PDE6B: variants seen among roughly 807,000 people sequenced by gnomAD.
The protein encoded by PDE6B is phosphodiesterase 6B.
A neutral mutation model predicts 109.0 loss-of-function variants in PDE6B; 106 were observed. The ratio of observed to expected loss-of-function variants is 0.97; its 90% CI spans 0.83 to 1.14. The LOEUF is 1.14. Ranked by LOEUF, PDE6B falls within the 50% of genes most tolerant of loss-of-function variation. The pLI is 0.00. For synonymous variants in PDE6B, 490 were observed against 471.3 expected, an observed-to-expected ratio of 1.04 and a Z score of -0.51; for missense variants, 1,193 against 1,155.6, an observed-to-expected ratio of 1.03 and a Z score of -0.47.
intron 3 of PDE6B, among the ~76,000 whole-genome samples, chr4:649,796 G>A (rs1735404202): frequency 6.6e-6 from 1 of 152,132 alleles, no homozygotes; most frequent in Non-Finnish European, 1.5e-5. Flanking sequence ...CAGCCAGTGG[G>A]GATCCCATCT....
rs1212584781 is a variant in PDE6B at position 662,898 on chromosome 4, G to A, written c.1833-202G>A. Among the ~76,000 whole-genome samples, 2 of 151,718 alleles carry A rather than the reference G, an allele frequency of 1.3e-5. No homozygotes were observed. Among genetic ancestry groups the A allele is most frequent in the Non-Finnish European group, 2.9e-5 (2 of 67,914 alleles). On this transcript the variant is annotated intron_variant, in intron 14 of 21. Coordinates refer to ENST00000496514, the MANE Select transcript of PDE6B (RefSeq NM_000283.4). The surrounding 1 kb of genome is among the most constrained non-coding windows in gnomAD (Gnocchi z 4.3). ...CACACCTGTGGTCCCAGCTACTTAG[G>A]AGGCTGAGGTGGGAGGATCACTTGA...
chr4:631,693 G>A (rs892956019), intron 1 of PDE6B, among the ~76,000 whole-genome samples: 3 of 151,290 alleles, frequency 2.0e-5, no homozygotes, highest in East Asian at 3.9e-4. Context: ...TGAGGGTCAC[G>A]TTGTGTGGAT....
intron 9 of PDE6B, 113 bp from the exon 10 acceptor site, chr4:657,238 C>A: frequency 2.3e-6 from 3 of 1,306,932 alleles, no homozygotes; most frequent in Non-Finnish European, 3.2e-6. Flanking sequence ...CACTGCGACA[C>A]CATGGTGGCA....
intron 3 of PDE6B, among the ~76,000 whole-genome samples, chr4:649,093 C>G (rs1386908699): frequency 6.6e-6 from 1 of 152,308 alleles, no homozygotes; most frequent in East Asian, 1.9e-4. Context: ...GTGGGGAGAT[C>G]CACGCTGGCA....
chr4:657,494 G>C lies in PDE6B; in HGVS notation c.1401G>C (p.Leu467=). The C allele has an allele frequency of 6.2e-7, 1 of 1,612,706 alleles. No individual in the cohort carries two copies. The highest frequency in any genetic ancestry group is 8.5e-7 in the Non-Finnish European group (1 of 1,179,658). ...ACAGGGACGAGATCCAGCTCATCCTGGTGCGGCGGGGCAGGACGTCCAGGG... is the reference window on the plus strand; with the variant it reads ...ACAGGGACGAGATCCAGCTCATCCTCGTGCGGCGGGGCAGGACGTCCAGGG... ...KCDRDEIQLI[L]PTRARLGKEP... Residue 467 remains leucine, a splice_region_variant and synonymous_variant, in exon 10 of 22, where the codon CTG becomes CTC. Coordinates refer to ENST00000496514, the MANE Select transcript of PDE6B (RefSeq NM_000283.4).
Position 633,605 on chromosome 4 carries a change from C to G in PDE6B, c.469-1072C>G, listed in dbSNP as rs961224256. ...GCGCATCCCAGGAGCTCCCATTCAG[C>G]TGGCGCAGTGGCTGAGGGCAGAGCC... On this transcript the variant is annotated intron_variant, in intron 1 of 21. Coordinates refer to ENST00000496514, the MANE Select transcript of PDE6B (RefSeq NM_000283.4). This position sits in a 1 kb window ranked among gnomAD's most constrained non-coding sequence, Gnocchi z 4.5. Among the ~76,000 whole-genome samples the G allele has an allele frequency of 1.3e-5, 2 of 152,208 alleles. No individual in the cohort carries two copies. Among genetic ancestry groups the G allele is most frequent in the Admixed American group, 6.5e-5 (1 of 15,286 alleles).
At position 644,641 on chromosome 4, in the gene PDE6B, C is replaced by T. The variant is rs535453298; in HGVS notation, c.711+8672C>T. Among the ~76,000 whole-genome samples the T allele has an allele frequency of 1.8e-3, 272 of 151,948 alleles. 3 individuals carry two copies. Among genetic ancestry groups the T allele is most frequent in the African/African-American group, 5.7e-3 (234 of 41,340 alleles). ...ACCTCGTGGATTCAGGTGATTCTCC[C>T]GCCTCAGCCTCCCGAGTAGCTGGGA... is the stretch of plus-strand genomic sequence containing the variant. On this transcript the variant is annotated intron_variant, in intron 3 of 21. Coordinates refer to ENST00000496514, the MANE Select transcript of PDE6B (RefSeq NM_000283.4).
chr4:660,348 C>T, intron 11 of PDE6B, 119 bp from the exon 12 acceptor site: 2 of 1,017,958 alleles, frequency 2.0e-6, no homozygotes, highest in South Asian at 2.6e-5. Flanking sequence ...AATGACACAT[C>T]TCCTCAGAGA....
rs150639487 is a variant in PDE6B at position 664,903 on chromosome 4, G to T, written c.2152G>T (p.Asp718Tyr). The change falls in exon 18 of 22, where the codon GAC becomes TAC. Residue 718 changes from aspartate (D) to tyrosine (Y), a missense_variant. Physicochemically the swap from Asp to Tyr is radical, Grantham distance 160. Coordinates refer to ENST00000496514, the MANE Select transcript of PDE6B (RefSeq NM_000283.4). ...CAGGGCCATGATGATGACAGCCTGC[G>T]ACCTGTCTGCCATCACCAAGCCCTG... ...IVMAMMMTAC[D>Y]LSAITKPWEV... The T allele has an allele frequency of 1.9e-5, 30 of 1,613,206 alleles. No homozygotes were observed. The African/African-American group carries it at 3.3e-4, about 18-fold the overall frequency.
At chr4:644,740 G>T (rs1480513761) in intron 3 of PDE6B, among the ~76,000 whole-genome samples, 1 of 151,858 alleles carries the variant, frequency 6.6e-6, no homozygotes, top group Non-Finnish European at 1.5e-5. Context: ...ATGTTGCCCA[G>T]GTTGGTCTCG....
intron 3 of PDE6B, among the ~76,000 whole-genome samples, chr4:649,405 G>C (rs1006648279): frequency 1.3e-5 from 2 of 152,022 alleles, no homozygotes; most frequent in African/African-American, 4.8e-5. Context: ...GGCCCAGGGG[G>C]AAACGTCTCC....
At chr4:659,156 T>C in intron 11 of PDE6B, 139 bp downstream of exon 11, 1 of 714,022 alleles carries the variant, frequency 1.4e-6, no homozygotes, top group Non-Finnish European at 2.5e-6. Context: ...TGTATACTTG[T>C]GTATCTAAGC....
intron 3 of PDE6B, among the ~76,000 whole-genome samples, chr4:642,725 C>CAAAAAAAAAAAAAAAAAAAAAAAAAAA (rs71636506): frequency 4.6e-5 from 2 of 43,336 alleles, no homozygotes; most frequent in African/African-American, 1.9e-4. Context: ...GACACTGTCT[C>CAAAAAAAAAAAAAAAAAAAAAAAAAAA]AAAAAAAAAA....
rs767309252 is a variant in PDE6B at position 670,169 on chromosome 4, G to T, written c.*62G>T. On this transcript the variant is annotated 3_prime_UTR_variant, in exon 22 of 22. Coordinates refer to ENST00000496514, the MANE Select transcript of PDE6B (RefSeq NM_000283.4). ...CTTCACCCACTAGGATTTGGGTTCT[G>T]CCTGTGGCTATTTGCTACAAGAGGT... 4 of 1,611,004 alleles carry T rather than the reference G, an allele frequency of 2.5e-6. No individual in the cohort carries two copies. The highest frequency in any genetic ancestry group is 3.3e-5 in the Admixed American group (2 of 59,970).
rs763371769 is a variant in PDE6B at position 660,465 on chromosome 4, A to G, written c.1468-2A>G. ...TCCCTCAGCCCACAATCCCTCCCAC[A>G]GAAGGAGGAGCTGCCAGGGCCCACC... is the stretch of plus-strand genomic sequence containing the variant. On this transcript the variant is annotated splice_acceptor_variant, in intron 11 of 21. Transcript: ENST00000496514. LOFTEE classifies it high-confidence loss of function. The G allele has an allele frequency of 1.2e-6, 2 of 1,613,700 alleles. No individual in the cohort carries two copies. Among genetic ancestry groups the G allele is most frequent in the East Asian group, 2.2e-5 (1 of 44,876 alleles).
intron 17 of PDE6B, 111 bp from the exon 18 acceptor site, chr4:664,770 C>A: frequency 1.2e-6 from 1 of 861,340 alleles, no homozygotes; most frequent in South Asian, 1.3e-5. Flanking sequence ...TGCGCCATTG[C>A]ACTCCAGCCT....
At chr4:650,913 A>G (rs1735478666) in intron 3 of PDE6B, among the ~76,000 whole-genome samples, 1 of 152,172 alleles carries the variant, frequency 6.6e-6, no homozygotes, top group Non-Finnish European at 1.5e-5. Context: ...CAGGCTTTTA[A>G]CCGGAAAATT....
At position 666,757 on chromosome 4, in the gene PDE6B, G is replaced by A. The variant is rs556326328; in HGVS notation, c.2352+143G>A. 579 of 688,124 alleles carry A rather than the reference G, an allele frequency of 8.4e-4. No homozygotes were observed. Among genetic ancestry groups the A allele is most frequent in the African/African-American group, 5.9e-3 (333 of 56,776 alleles). The allele number at this position is 688,124 out of a possible 1,614,324, so 42.6% of individuals were successfully genotyped here. On this transcript the variant is annotated intron_variant, in intron 20 of 21. Coordinates refer to ENST00000496514, the MANE Select transcript of PDE6B (RefSeq NM_000283.4). The surrounding 1 kb of genome is among the most constrained non-coding windows in gnomAD (Gnocchi z 5.6). ...GGGATGCCAGTGCCAGCTTCGTGCC[G>A]CTCTTGAGTGGGGCAAATGGGGAGG...
intron 12 of PDE6B, 111 bp downstream of exon 12, chr4:660,724 GGGGTT>G: frequency 3.2e-6 from 3 of 925,906 alleles, no homozygotes; most frequent in Non-Finnish European, 5.2e-6. Flanking sequence ...GATGGGATTG[GGGGTT>G]CCAGATCCCA....
Sources: allele counts gnomAD v4.1 joint callset (sites outside exome capture counted in the v4.1 genomes callset), GRCh38; gene constraint gnomAD v4.1.1; non-coding constraint Gnocchi (gnomAD v3.1); transcripts MANE v1.5; gene names NCBI Gene and HGNC (gene_info 2026-07-23, HGNC 2026-07-21).